TANGO6: variants seen among roughly 807,000 people sequenced by gnomAD.
TANGO6 encodes the protein transport and golgi organization 6 homolog.
Under a neutral mutation model 114.2 loss-of-function variants are expected in TANGO6, and 90 were observed. The observed-to-expected ratio is 0.79, with a 90% CI of 0.66 to 0.94. TANGO6 has a LOEUF of 0.94. Among genes scored for constraint, TANGO6 ranks in the 40% least tolerant of loss-of-function variants. The pLI is 0.00. For synonymous variants in TANGO6, 477 were observed against 509.8 expected, an observed-to-expected ratio of 0.94 and a Z score of 0.87; for missense variants, 1,274 against 1,315.3, an observed-to-expected ratio of 0.97 and a Z score of 0.49.
Position 68,909,311 on chromosome 16 carries a change from T to A in TANGO6, c.1901T>A (p.Val634Glu). Residue 634 changes from valine to glutamate, a missense_variant, in exon 11 of 18, where the codon GTG (valine) becomes GAG (glutamate). Val to Glu is a moderately radical substitution (Grantham distance 121). This residue lies in a region of TANGO6 where 908 missense variants were observed against 910.2 expected (regional missense o/e 1.00). Transcript: ENST00000261778. ...LELEQHQTLL[V>E]EGQERKLLVL... ...TTAGAGCAACATCAGACTCTTCTTG[T>A]GGAAGGCCAAGAGCGGAAGCTGCTT... is the stretch of plus-strand genomic sequence containing the variant. The A allele has an allele frequency of 4.3e-6, 7 of 1,610,808 alleles. No individual in the cohort carries two copies. The highest frequency in any genetic ancestry group is 5.9e-6 in the Non-Finnish European group (7 of 1,178,382).
intron 14 of TANGO6, among the ~76,000 whole-genome samples, chr16:68,941,338 A>G (rs891087654): frequency 3.9e-5 from 6 of 152,202 alleles, no homozygotes; most frequent in Non-Finnish European, 7.3e-5. Flanking sequence ...AAAAGTCATA[A>G]AACAGTTAAT....
chr16:69,061,935 C>T (rs1960124470), intron 17 of TANGO6, among the ~76,000 whole-genome samples: 1 of 151,280 alleles, frequency 6.6e-6, no homozygotes, highest in South Asian at 2.1e-4. Context: ...AGGATAATGG[C>T]GTGAACCCAG....
intron 6 of TANGO6, 75 bp from the exon 7 acceptor site, chr16:68,880,473 C>G: frequency 8.7e-4 from 890 of 1,023,910 alleles, no homozygotes; most frequent in Non-Finnish European, 1.2e-3. Context: ...TCTAGTAAAG[C>G]TTCCTTCCTT....
At chr16:68,843,760 C>T in intron 1 of TANGO6, 49 bp downstream of exon 1, 2 of 1,582,208 alleles carry the variant, frequency 1.3e-6, no homozygotes, top group South Asian at 2.2e-5. Context: ...CTCTCAGGGC[C>T]GCCCGGCTTC....
At chr16:69,033,254 A>G (rs1389933393) in intron 16 of TANGO6, among the ~76,000 whole-genome samples, 2 of 152,200 alleles carry the variant, frequency 1.3e-5, no homozygotes, top group Non-Finnish European at 2.9e-5. Context: ...TGTACCATGA[A>G]AGCTCTTGAA....
chr16:68,924,240 G>A (rs909073506), intron 12 of TANGO6, among the ~76,000 whole-genome samples: 1 of 152,188 alleles, frequency 6.6e-6, no homozygotes, highest in Non-Finnish European at 1.5e-5. Context: ...TGTCTTCATT[G>A]TGCTCATTTA....
Position 68,957,397 on chromosome 16 carries a change from ATT to A in TANGO6, c.2702-16614_2702-16613del, listed in dbSNP as rs57031701. 2.5e-3 allele frequency among the ~76,000 whole-genome samples: 339 copies of A among 134,090 alleles called. 1 individual carries two copies. The highest frequency in any genetic ancestry group is 8.1e-3 in the African/African-American group (294 of 36,162). The allele number at this position is 134,090 out of a possible 152,430, so 88.0% of individuals were successfully genotyped here. ...TCACAAAATAACCAAGCATAACACTATTTTTTTTTTTTTTTTTTGAGACAGTG... is the reference window on the plus strand; with the variant it reads ...TCACAAAATAACCAAGCATAACACTATTTTTTTTTTTTTTTTGAGACAGTG... On this transcript the variant is annotated intron_variant, in intron 14 of 17. Coordinates refer to ENST00000261778, the MANE Select transcript of TANGO6 (RefSeq NM_024562.2).
At chr16:68,882,818 A>G (rs1194332413) in intron 7 of TANGO6, among the ~76,000 whole-genome samples, 1 of 152,130 alleles carries the variant, frequency 6.6e-6, no homozygotes, top group Non-Finnish European at 1.5e-5. Flanking sequence ...GTAGATCAAG[A>G]CCATCCTGAC....
At chr16:68,929,424 A>G (rs1284956353) in intron 13 of TANGO6, among the ~76,000 whole-genome samples, 2 of 152,152 alleles carry the variant, frequency 1.3e-5, no homozygotes, top group Non-Finnish European at 2.9e-5. Flanking sequence ...CTTACTCCAT[A>G]AAAGATTCCC....
At chr16:69,053,000 C>T (rs528208111) in intron 17 of TANGO6, among the ~76,000 whole-genome samples, 1 of 152,074 alleles carries the variant, frequency 6.6e-6, no homozygotes, top group East Asian at 1.9e-4. Context: ...CCCAGCTACT[C>T]AGGAGGCTGA....
intron 17 of TANGO6, among the ~76,000 whole-genome samples, chr16:69,072,837 A>G (rs2152243507): frequency 6.6e-6 from 1 of 152,294 alleles, no homozygotes; most frequent in African/African-American, 2.4e-5. Flanking sequence ...TCCTACCCAC[A>G]CGGAGAAAGA....
chr16:68,976,991 A>G (rs1963770994), intron 15 of TANGO6, among the ~76,000 whole-genome samples: 1 of 152,170 alleles, frequency 6.6e-6, no homozygotes, highest in Admixed American at 6.5e-5. Context: ...CAGCTTGGGC[A>G]ATTTGTCTGT....
chr16:68,928,564 T>A (rs1484277717), intron 13 of TANGO6, among the ~76,000 whole-genome samples: 9 of 151,984 alleles, frequency 5.9e-5, no homozygotes, highest in Non-Finnish European at 1.3e-4. Context: ...CCTCCCAAAG[T>A]GCTGGGATTA....
intron 5 of TANGO6, among the ~76,000 whole-genome samples, chr16:68,876,337 T>A (rs961034664): frequency 5.3e-5 from 8 of 151,956 alleles, no homozygotes; most frequent in African/African-American, 1.9e-4. Flanking sequence ...AATTTTGTAT[T>A]TTTGGTAGAG....
chr16:69,063,601 G>A (rs1232979706), intron 17 of TANGO6, among the ~76,000 whole-genome samples: 1 of 124,054 alleles, frequency 8.1e-6, no homozygotes, highest in Non-Finnish European at 1.6e-5. Context: ...CTGGAGAATC[G>A]CTTGAACCTG....
intron 17 of TANGO6, among the ~76,000 whole-genome samples, chr16:69,068,181 A>G (rs1353094479): frequency 1.3e-5 from 2 of 151,806 alleles, no homozygotes; most frequent in Admixed American, 6.6e-5. Flanking sequence ...ATGCACACCT[A>G]TAGTCCCAAC....
At chr16:68,941,476 G>A (rs1421944538) in intron 14 of TANGO6, among the ~76,000 whole-genome samples, 1 of 152,118 alleles carries the variant, frequency 6.6e-6, no homozygotes, top group East Asian at 1.9e-4. Flanking sequence ...GGGCATGGTG[G>A]CTCATACCTG....
At chr16:68,943,363 AT>A (rs1198050231) in intron 14 of TANGO6, among the ~76,000 whole-genome samples, 10,450 of 131,474 alleles carry the variant, frequency 0.079, 308 homozygotes, top group African/African-American at 0.1. Context: ...GAATCTGAGA[AT>A]TTTTTTTTTT....
chr16:69,051,330 G>C (rs1022395535), intron 17 of TANGO6, among the ~76,000 whole-genome samples: 1 of 151,856 alleles, frequency 6.6e-6, no homozygotes, highest in African/African-American at 2.4e-5. Context: ...CCTGACTTGA[G>C]GTCAGGAGTT....
Sources: allele counts gnomAD v4.1 joint callset (sites outside exome capture counted in the v4.1 genomes callset), GRCh38; gene constraint gnomAD v4.1.1; regional missense constraint gnomAD v4.1.1; transcripts MANE v1.5; gene names NCBI Gene and HGNC (gene_info 2026-07-23, HGNC 2026-07-21).